The following ESRRG variants were observed in gnomAD, a reference collection of about 807,000 sequenced individuals.
The protein encoded by ESRRG is estrogen-related receptor gamma.
Under a neutral mutation model 44.0 loss-of-function variants are expected in ESRRG, and 13 were observed. That is an observed-to-expected ratio of 0.30 (90% CI 0.19 to 0.47). The LOEUF (loss-of-function observed/expected upper bound fraction) is 0.47, where lower values mean the gene tolerates loss of function less well. Ranked by LOEUF, ESRRG falls within the 20% of genes least tolerant of loss-of-function variation. ESRRG has a pLI of 1.00. For missense variants in ESRRG, 395 were observed against 580.6 expected, an observed-to-expected ratio of 0.68 and a Z score of 3.29; for synonymous variants, 215 against 214.6, an observed-to-expected ratio of 1.00 and a Z score of -0.02.
chr1:216,736,846 T>C (rs2090006318), intron 2 of ESRRG, among the ~76,000 whole-genome samples: 1 of 152,180 alleles, frequency 6.6e-6, no homozygotes, highest in Non-Finnish European at 1.5e-5. Context: ...CAGGTCATTC[T>C]GGGACATGCC....
intron 5 of ESRRG, among the ~76,000 whole-genome samples, chr1:216,522,594 T>G (rs1329838866): frequency 6.6e-6 from 1 of 152,152 alleles, no homozygotes; most frequent in African/African-American, 2.4e-5. Context: ...AAGATAGTCA[T>G]GTTCATCTGG....
chr1:216,878,614 T>A (rs1046374429), intron 2 of ESRRG, among the ~76,000 whole-genome samples: 2 of 152,188 alleles, frequency 1.3e-5, no homozygotes, highest in South Asian at 4.1e-4. Flanking sequence ...TTTGTTTCCC[T>A]CCATGTAGTA....
At chr1:216,732,699 G>C (rs2089084645) in intron 2 of ESRRG, among the ~76,000 whole-genome samples, 1 of 151,854 alleles carries the variant, frequency 6.6e-6, no homozygotes, top group Non-Finnish European at 1.5e-5. Context: ...AGCTACTCCG[G>C]AGGCTAAGGG....
chr1:216,628,402 G>C (rs77430963), intron 3 of ESRRG, among the ~76,000 whole-genome samples: 2 of 152,120 alleles, frequency 1.3e-5, no homozygotes, highest in Non-Finnish European at 2.9e-5. Flanking sequence ...TTAGAGGTGC[G>C]ATCTACTGTG....
chr1:216,623,657 T>C (rs2062684123), intron 3 of ESRRG, among the ~76,000 whole-genome samples: 1 of 152,138 alleles, frequency 6.6e-6, no homozygotes, highest in Non-Finnish European at 1.5e-5. Context: ...AACTAGACCA[T>C]GTAGCACTGA....
chr1:216,893,373 A>G (rs1422686997), intron 2 of ESRRG, among the ~76,000 whole-genome samples: 2 of 152,190 alleles, frequency 1.3e-5, no homozygotes, highest in Non-Finnish European at 1.5e-5. Context: ...ATCAGATAAG[A>G]CTGAAATTCC....
At chr1:216,666,436 G>T (rs1042996279) in intron 2 of ESRRG, among the ~76,000 whole-genome samples, 3 of 152,166 alleles carry the variant, frequency 2.0e-5, no homozygotes, top group Admixed American at 6.5e-5. Context: ...TTGCTCTCAA[G>T]CATTTAACAT....
intron 1 of ESRRG, among the ~76,000 whole-genome samples, chr1:217,124,830 T>A (rs183116000): frequency 6.6e-6 from 1 of 152,346 alleles, no homozygotes. Context: ...AAACTCATTC[T>A]ATGCCCCTAG....
At chr1:216,556,197 A>G (rs1262022714) in intron 5 of ESRRG, among the ~76,000 whole-genome samples, 1 of 152,102 alleles carries the variant, frequency 6.6e-6, no homozygotes, top group Non-Finnish European at 1.5e-5. Context: ...CAGAGGTAAC[A>G]GCTCCATTAA....
chr1:217,064,039 AATAG>A (rs980349741), intron 1 of ESRRG, among the ~76,000 whole-genome samples: 3 of 150,330 alleles, frequency 2.0e-5, no homozygotes, highest in Non-Finnish European at 4.5e-5. Context: ...ATACACAATA[AATAG>A]ATATATACAC....
At chr1:216,885,247 T>C (rs2096498319) in intron 2 of ESRRG, among the ~76,000 whole-genome samples, 1 of 152,222 alleles carries the variant, frequency 6.6e-6, no homozygotes, top group Admixed American at 6.5e-5. Context: ...ATATAAAATA[T>C]GTATGAACAC....
intron 3 of ESRRG, among the ~76,000 whole-genome samples, chr1:216,603,222 C>T (rs2059474850): frequency 6.6e-6 from 1 of 152,080 alleles, no homozygotes; most frequent in East Asian, 1.9e-4. Context: ...CATTAGCATT[C>T]CCTCTTATTT....
intron 1 of ESRRG, among the ~76,000 whole-genome samples, chr1:217,135,005 T>G (rs570529100): frequency 2.6e-5 from 4 of 152,342 alleles, no homozygotes; most frequent in African/African-American, 9.6e-5. Context: ...CAGCCTCTCC[T>G]TCCTCTCCTT....
intron 1 of ESRRG, among the ~76,000 whole-genome samples, chr1:216,970,106 T>C (rs2071335313): frequency 6.6e-6 from 1 of 152,122 alleles, no homozygotes; most frequent in African/African-American, 2.4e-5. Context: ...CCCATAGCTT[T>C]TCACCAGAGT....
At position 216,677,251 on chromosome 1, in the gene ESRRG, T is replaced by C; in HGVS notation, c.297A>G (p.Lys99=). Residue 99 remains lysine (K), a synonymous_variant, in exon 2 of 7, where the codon AAA becomes AAG. Coordinates refer to ENST00000408911, the MANE Select transcript of ESRRG (RefSeq NM_001438.4). ...PILGGSGPVR[K]LYDDCSSTIV... is the part of the protein sequence containing the mutation. ...TGGTGCTGGAGCAGTCATCATACAG[T>C]TTCCTGACAGGCCCACTACCTCCCA... 6.2e-7 allele frequency: 1 copy of C among 1,614,126 alleles called. No homozygotes were observed. Among genetic ancestry groups the C allele is most frequent in the East Asian group, 2.2e-5 (1 of 44,864 alleles).
chr1:216,846,105 A>T (rs2095742768), intron 2 of ESRRG, among the ~76,000 whole-genome samples: 1 of 152,122 alleles, frequency 6.6e-6, no homozygotes, highest in Non-Finnish European at 1.5e-5. Flanking sequence ...TTAACCTATA[A>T]ATCCCTAAAT....
At chr1:216,907,304 G>C (rs996131920) in intron 2 of ESRRG, among the ~76,000 whole-genome samples, 1 of 152,164 alleles carries the variant, frequency 6.6e-6, no homozygotes, top group Non-Finnish European at 1.5e-5. Flanking sequence ...CCCACTGCTG[G>C]TGATTAATCT....
chr1:217,034,474 C>CTAGAAAA (rs2082542354), intron 1 of ESRRG, among the ~76,000 whole-genome samples: 1 of 152,062 alleles, frequency 6.6e-6, no homozygotes, highest in Admixed American at 6.6e-5. Context: ...CTCGGATAGG[C>CTAGAAAA]CCGGAGGATT....
At chr1:217,135,263 C>T (rs970311571) in intron 1 of ESRRG, among the ~76,000 whole-genome samples, 1 of 152,022 alleles carries the variant, frequency 6.6e-6, no homozygotes, top group Non-Finnish European at 1.5e-5. Flanking sequence ...CTCCGCCCAG[C>T]CCCGTACAGT....
Sources: allele counts gnomAD v4.1 joint callset (sites outside exome capture counted in the v4.1 genomes callset), GRCh38; gene constraint gnomAD v4.1.1; transcripts MANE v1.5; gene names NCBI Gene and HGNC (gene_info 2026-07-23, HGNC 2026-07-21).